Variants in RFC3 observed in about 807,000 individuals in gnomAD.
RFC3 encodes replication factor C subunit 3, also known as A1 38 kDa subunit.
RFC3 carries 41 observed loss-of-function variants against 45.1 expected under a neutral mutation model. The observed-to-expected ratio is 0.91, with a 90% CI of 0.71 to 1.18. The LOEUF (loss-of-function observed/expected upper bound fraction) is 1.18. RFC3 is among the 50% of genes most tolerant of loss of function. The pLI, the probability that RFC3 is intolerant of heterozygous loss-of-function variation, is 0.00. For missense variants in RFC3, 423 were observed against 428.1 expected (o/e 0.99, Z 0.10); for synonymous variants, 149 against 144.0 (o/e 1.03, Z -0.25).
intron 8 of RFC3, among the ~76,000 whole-genome samples, chr13:33,965,560 G>A (rs1038601329): frequency 2.6e-5 from 4 of 152,148 alleles, no homozygotes; most frequent in African/African-American, 7.2e-5. Flanking sequence ...ATGAAGCAAT[G>A]TAAGACTGTA....
At chr13:33,901,471 A>G (rs895516807) in intron 8 of RFC3, among the ~76,000 whole-genome samples, 3 of 152,006 alleles carry the variant, frequency 2.0e-5, no homozygotes, top group South Asian at 2.1e-4. Context: ...TCACTCATAT[A>G]TATCAGCTAA....
At chr13:33,960,427 T>A (rs1323129643) in intron 8 of RFC3, among the ~76,000 whole-genome samples, 3 of 152,204 alleles carry the variant, frequency 2.0e-5, no homozygotes, top group Admixed American at 2.0e-4. Context: ...AGCCCATGCC[T>A]GACCTTATCT....
intron 8 of RFC3, among the ~76,000 whole-genome samples, chr13:33,914,070 G>C (rs2082718886): frequency 6.6e-6 from 1 of 152,098 alleles, no homozygotes; most frequent in South Asian, 2.1e-4. Context: ...TTAAAGATTG[G>C]AAATGATGAT....
intron 8 of RFC3, among the ~76,000 whole-genome samples, chr13:33,954,776 C>T (rs1164254513): frequency 2.0e-5 from 3 of 152,086 alleles, no homozygotes; most frequent in Admixed American, 6.5e-5. Flanking sequence ...AATCTCCTCA[C>T]GAGGGCTCCA....
chr13:33,855,439 G>A (rs143265890), intron 8 of RFC3, among the ~76,000 whole-genome samples: 97 of 152,156 alleles, frequency 6.4e-4, no homozygotes, highest in African/African-American at 2.1e-3. Flanking sequence ...TGCAGTGAAC[G>A]TATGTGTGTG....
At chr13:33,854,426 T>G (rs1393842950) in intron 8 of RFC3, among the ~76,000 whole-genome samples, 1 of 152,116 alleles carries the variant, frequency 6.6e-6, no homozygotes, top group Non-Finnish European at 1.5e-5. Context: ...TTGAAAGGGG[T>G]TGGGGACTAG....
At chr13:33,855,535 C>A (rs1485001327) in intron 8 of RFC3, among the ~76,000 whole-genome samples, 1 of 152,108 alleles carries the variant, frequency 6.6e-6, no homozygotes, top group Non-Finnish European at 1.5e-5. Context: ...ATTTTTAGGT[C>A]TTTGAGGAAG....
chr13:33,826,310 T>A (rs910530288), intron 4 of RFC3, among the ~76,000 whole-genome samples: 3 of 152,166 alleles, frequency 2.0e-5, no homozygotes, highest in African/African-American at 7.2e-5. Flanking sequence ...AAATATGCCA[T>A]CATTTAATGC....
intron 8 of RFC3, among the ~76,000 whole-genome samples, chr13:33,946,358 A>T (rs892838116): frequency 6.6e-6 from 1 of 152,208 alleles, no homozygotes. Context: ...ATACATTGGT[A>T]TACAGCAGTA....
chr13:33,966,113 T>C, exon 9 of RFC3: 2 of 1,610,624 alleles, frequency 1.2e-6, no homozygotes, highest in Non-Finnish European at 1.7e-6. Flanking sequence ...CAAGAAGCTG[T>C]GACATATTCT....
At chr13:33,871,907 C>G (rs932813997) in intron 8 of RFC3, among the ~76,000 whole-genome samples, 1 of 152,136 alleles carries the variant, frequency 6.6e-6, no homozygotes, top group African/African-American at 2.4e-5. Flanking sequence ...CAGTTAGAGA[C>G]TGGTTCAGTT....
chr13:33,823,122 T>A (rs1312936256), intron 2 of RFC3, among the ~76,000 whole-genome samples: 3 of 152,088 alleles, frequency 2.0e-5, no homozygotes, highest in Non-Finnish European at 4.4e-5. Flanking sequence ...ACTGAAAAAT[T>A]GAAAGGCATG....
intron 8 of RFC3, among the ~76,000 whole-genome samples, chr13:33,889,430 G>A (rs2082549617): frequency 1.3e-5 from 2 of 152,088 alleles, no homozygotes; most frequent in Admixed American, 1.3e-4. Flanking sequence ...TCTCTTTATA[G>A]TTGACACATA....
rs1390072563 is a variant in RFC3, at chr13:33,871,228, A to G, written c.879+36011A>G. On this transcript the variant is annotated intron_variant, in intron 8 of 8. Transcript: ENST00000434425. ...TGCCATAACAAATAACCATAAATCA[A>G]GTGGCTCAAAACAACCCACATTTAT... is the stretch of plus-strand genomic sequence containing the variant. 3.3e-5 allele frequency among the ~76,000 whole-genome samples: 5 copies of G among 152,318 alleles called. 1 individual carries two copies. The highest frequency in any genetic ancestry group is 3.3e-4 in the Admixed American group (5 of 15,300).
At chr13:33,866,390 G>T (rs1268088873) in intron 8 of RFC3, among the ~76,000 whole-genome samples, 1 of 152,250 alleles carries the variant, frequency 6.6e-6, no homozygotes, top group Non-Finnish European at 1.5e-5. Flanking sequence ...TTCATGGTCA[G>T]CTGGAAGGGT....
At chr13:33,858,398 A>G (rs1172782513) in intron 8 of RFC3, among the ~76,000 whole-genome samples, 2 of 152,086 alleles carry the variant, frequency 1.3e-5, no homozygotes, top group Non-Finnish European at 2.9e-5. Flanking sequence ...ATTAAACATG[A>G]CAGAATTGTG....
rs144033374 is a variant in RFC3, at chr13:33,835,115, T to C, written c.810-33T>C. 1.4e-4 allele frequency: 200 copies of C among 1,453,340 alleles called. 2 individuals are homozygous for C. The East Asian group carries it at 4.5e-3, about 32-fold the overall frequency. The allele number at this position is 1,453,340 out of a possible 1,614,324, so 90.0% of individuals were successfully genotyped here. A position where few individuals can be genotyped will look rare whatever the true frequency, so the allele number is the denominator to read the frequency against. ...TTTGGAAAAATTACCTCTTATTTTC[T>C]TCACAAAATACCAATTATTTTGTTT... On this transcript the variant is annotated intron_variant, in intron 7 of 8. Transcript: ENST00000380071.
intron 3 of RFC3, among the ~76,000 whole-genome samples, chr13:33,824,757 G>A (rs3135566): frequency 0.063 from 9,529 of 152,146 alleles, 618 homozygotes; most frequent in East Asian, 0.16. Flanking sequence ...TTTGTGAGAA[G>A]CTTTACCTGT....
chr13:33,962,479 C>T (rs2083063215), intron 8 of RFC3, among the ~76,000 whole-genome samples: 1 of 152,198 alleles, frequency 6.6e-6, no homozygotes, highest in African/African-American at 2.4e-5. Context: ...TACTGTCCTA[C>T]ACTTTCAGAA....
Sources: allele counts gnomAD v4.1 joint callset (sites outside exome capture counted in the v4.1 genomes callset), GRCh38; gene constraint gnomAD v4.1.1; transcripts MANE v1.5; gene names NCBI Gene and HGNC (gene_info 2026-07-23, HGNC 2026-07-21).